The following KAT7 variants were observed in gnomAD, a reference collection of about 807,000 sequenced individuals.
KAT7 encodes the protein histone acetyltransferase KAT7.
In KAT7, 10 loss-of-function variants were observed where a neutral mutation model predicts 82.1. The observed-to-expected ratio is 0.12, with a 90% CI of 0.08 to 0.21. The LOEUF (loss-of-function observed/expected upper bound fraction) is 0.21. Ranked by LOEUF, KAT7 falls within the 10% of genes least tolerant of loss-of-function variation. KAT7 has a pLI of 1.00. For missense variants in KAT7, 378 were observed against 760.9 expected, an observed-to-expected ratio of 0.50 and a Z score of 5.92; for synonymous variants, 250 against 262.5, an observed-to-expected ratio of 0.95 and a Z score of 0.46.
chr17:49,799,467 G>A (rs962624663), intron 4 of KAT7, among the ~76,000 whole-genome samples: 2 of 150,866 alleles, frequency 1.3e-5, no homozygotes, highest in Admixed American at 6.6e-5. Flanking sequence ...TGCAACCTCC[G>A]CCTCCCAGGT....
chr17:49,829,825 TG>T lies in KAT7; in HGVS notation c.*2324del, dbSNP rs1217510519. The T allele has an allele frequency of 1.3e-5, 2 of 152,056 alleles. No homozygotes were observed. Among genetic ancestry groups the T allele is most frequent in the African/African-American group, 2.4e-5 (1 of 41,388 alleles). The allele number at this position is 152,056 out of a possible 1,614,324, so 9.4% of individuals were successfully genotyped here. A position where few individuals can be genotyped will look rare whatever the true frequency, so the allele number is the denominator to read the frequency against. The stretch of plus-strand genomic sequence containing the variant: ...ATTATCTCATTTAAACCCCCACAGG[TG>T]TGGAAACAGAGTTTCACTTGCCTTG... On this transcript the variant is annotated 3_prime_UTR_variant, in exon 15 of 15. Transcript: ENST00000259021.
chr17:49,826,538 A>G (rs114822288), intron 13 of KAT7, among the ~76,000 whole-genome samples, 155 bp from the exon 14 acceptor site: 105 of 152,292 alleles, frequency 6.9e-4, no homozygotes, highest in African/African-American at 2.4e-3. Flanking sequence ...GGACTGGTCA[A>G]ATGAATACTT....
chr17:49,816,705 T>G (rs1241981856), intron 8 of KAT7, among the ~76,000 whole-genome samples: 1 of 152,206 alleles, frequency 6.6e-6, no homozygotes, highest in Non-Finnish European at 1.5e-5. Flanking sequence ...TATCCTATTC[T>G]GGCATGGAGC....
In KAT7 at chr17:49,827,574, C is replaced by G. The variant is rs1262077111; in HGVS notation, c.*72C>G. ...TACCCTAGGGATCTGTCTGTCATTT[C>G]TCTGTTGCTCTTGTGATTGGCAAGT... is the stretch of plus-strand genomic sequence containing the variant. On this transcript the variant is annotated 3_prime_UTR_variant, in exon 15 of 15. Coordinates refer to ENST00000259021, the MANE Select transcript of KAT7 (RefSeq NM_007067.5). The G allele has an allele frequency of 3.8e-5, 34 of 895,920 alleles. No individual in the cohort carries two copies. The South Asian group carries it at 4.4e-4, about 12-fold the overall frequency. The allele number at this position is 895,920 out of a possible 1,614,324, so 55.5% of individuals were successfully genotyped here. A position where few individuals can be genotyped will look rare whatever the true frequency, so the allele number is the denominator to read the frequency against.
intron 4 of KAT7, among the ~76,000 whole-genome samples, chr17:49,802,867 G>A (rs1170761343): frequency 4.6e-5 from 7 of 151,876 alleles, no homozygotes; most frequent in African/African-American, 1.7e-4. Flanking sequence ...CCAGGACTAC[G>A]GGCATGGACT....
chr17:49,821,316 G>A, intron 9 of KAT7, 21 bp from the exon 10 acceptor site: 2 of 1,591,798 alleles, frequency 1.3e-6, no homozygotes, highest in East Asian at 2.2e-5. Context: ...GTTCCCTGAT[G>A]TGAATTTCAT....
chr17:49,802,248 C>A (rs2074033922), intron 4 of KAT7, among the ~76,000 whole-genome samples: 1 of 152,144 alleles, frequency 6.6e-6, no homozygotes, highest in Non-Finnish European at 1.5e-5. Flanking sequence ...TCTAGCAAAT[C>A]TGTAGGATAA....
At position 49,798,420 on chromosome 17, in the gene KAT7, T is replaced by C; in HGVS notation, c.442T>C (p.Ser148Pro). The C allele has an allele frequency of 6.2e-7, 1 of 1,614,190 alleles. No individual in the cohort carries two copies. The highest frequency in any genetic ancestry group is 8.5e-7 in the Non-Finnish European group (1 of 1,180,034). The change falls in exon 4 of 15, where the codon TCT (serine) becomes CCT (proline). Residue 148 changes from serine to proline, a missense_variant. This residue lies in a region of KAT7 where 161 missense variants were observed against 229.6 expected (regional missense o/e 0.70). Coordinates refer to ENST00000259021, the MANE Select transcript of KAT7 (RefSeq NM_007067.5). ...CATAGACATCTCCAGCCCCAATGTA[T>C]CTCACGATGAGAGCATTGCCAAGGA... ...SDIDISSPNV[S>P]HDESIAKDMS...
In KAT7 at chr17:49,792,004, C is replaced by T. The variant is rs1288797913; in HGVS notation, c.134C>T (p.Ser45Phe). ...CGACGATCTGCTCGAGTCACCCGCT[C>T]CTCAGCCAGGCTAAGCCAGAGTTCT... Reference protein sequence around the residue: ...TSRRSARVTRSSARLSQSSQD... With the variant: ...TSRRSARVTRFSARLSQSSQD... The change falls in exon 2 of 15, where the codon TCC (serine) becomes TTC (phenylalanine). Residue 45 changes from serine (S) to phenylalanine (F), a missense_variant. By Grantham distance (155) the Ser-to-Phe change is radical (BLOSUM62 -2). Transcript: ENST00000259021. 6.2e-7 allele frequency: 1 copy of T among 1,614,138 alleles called. No homozygotes were observed. Among genetic ancestry groups the T allele is most frequent in the South Asian group, 1.1e-5 (1 of 91,078 alleles).
intron 2 of KAT7, among the ~76,000 whole-genome samples, chr17:49,793,757 G>C (rs2073918880): frequency 6.6e-6 from 1 of 151,980 alleles, no homozygotes; most frequent in Non-Finnish European, 1.5e-5. Flanking sequence ...ATTTTTAGTA[G>C]AGATGGGGTT....
chr17:49,827,728 T>C lies in KAT7; in HGVS notation c.*226T>C, dbSNP rs2074385022. On this transcript the variant is annotated 3_prime_UTR_variant, in exon 15 of 15. Coordinates refer to ENST00000259021, the MANE Select transcript of KAT7 (RefSeq NM_007067.5). The stretch of plus-strand genomic sequence containing the variant: ...GAGGTTGCCTGGATGGGATCTGTAT[T>C]AGACTTGAGTGCAGGTCTCTCAGCA... 7.1e-6 allele frequency: 4 copies of C among 566,154 alleles called. No homozygotes were observed. The highest frequency in any genetic ancestry group is 1.3e-5 in the Non-Finnish European group (4 of 316,972). The allele number at this position is 566,154 out of a possible 1,614,324, so 35.1% of individuals were successfully genotyped here.
rs1468720002 is a variant in KAT7, at chr17:49,832,607, T to A, written c.*5105T>A. The A allele has an allele frequency of 6.6e-6, 1 of 152,108 alleles. No individual in the cohort carries two copies. The highest frequency in any genetic ancestry group is 1.9e-4 in the East Asian group (1 of 5,186). The allele number at this position is 152,108 out of a possible 1,614,324, so 9.4% of individuals were successfully genotyped here. ...GCCCCAGTGAGACAGCAGGAATCCTTTTACCATACAACCCTCAACTAGTTT... is the reference window on the plus strand; with the variant it reads ...GCCCCAGTGAGACAGCAGGAATCCTATTACCATACAACCCTCAACTAGTTT... On this transcript the variant is annotated 3_prime_UTR_variant, in exon 15 of 15. Coordinates refer to ENST00000259021, the MANE Select transcript of KAT7 (RefSeq NM_007067.5).
Position 49,833,455 on chromosome 17 carries a change from G to A in KAT7, c.*5953G>A, listed in dbSNP as rs1344825741. 3 of 152,170 alleles carry A rather than the reference G, an allele frequency of 2.0e-5. No individual in the cohort carries two copies. The highest frequency in any genetic ancestry group is 4.8e-5 in the African/African-American group (2 of 41,442). The allele number at this position is 152,170 out of a possible 1,614,324, so 9.4% of individuals were successfully genotyped here. A position where few individuals can be genotyped will look rare whatever the true frequency, so the allele number is the denominator to read the frequency against. On this transcript the variant is annotated 3_prime_UTR_variant, in exon 15 of 15. Coordinates refer to ENST00000259021, the MANE Select transcript of KAT7 (RefSeq NM_007067.5). ...ACAGTTGCTCTCATCCTCTGTGCACGTGCTATTTCCAATAAGGTCTATTTT... is the reference window on the plus strand; with the variant it reads ...ACAGTTGCTCTCATCCTCTGTGCACATGCTATTTCCAATAAGGTCTATTTT...
intron 2 of KAT7, among the ~76,000 whole-genome samples, chr17:49,794,739 A>G (rs973391036): frequency 1.3e-5 from 2 of 152,366 alleles, no homozygotes; most frequent in Middle Eastern, 3.4e-3. Context: ...TGAAAACTAA[A>G]TATTCAAAAC....
chr17:49,812,361 A>T (rs1460530280), intron 7 of KAT7, among the ~76,000 whole-genome samples: 3 of 149,150 alleles, frequency 2.0e-5, no homozygotes, highest in Non-Finnish European at 4.4e-5. Flanking sequence ...AGTAGCTAGG[A>T]TTACAGACAT....
chr17:49,827,727 T>G lies in KAT7; in HGVS notation c.*225T>G. The G allele has an allele frequency of 1.8e-6, 1 of 568,960 alleles. No individual in the cohort carries two copies. Among genetic ancestry groups the G allele is most frequent in the South Asian group, 2.2e-5 (1 of 44,554 alleles). The allele number at this position is 568,960 out of a possible 1,614,324, so 35.2% of individuals were successfully genotyped here. A position where few individuals can be genotyped will look rare whatever the true frequency, so the allele number is the denominator to read the frequency against. On this transcript the variant is annotated 3_prime_UTR_variant, in exon 15 of 15. Transcript: ENST00000259021. ...TGAGGTTGCCTGGATGGGATCTGTA[T>G]TAGACTTGAGTGCAGGTCTCTCAGC...
chr17:49,797,140 T>C (rs956364185), intron 3 of KAT7, among the ~76,000 whole-genome samples: 10 of 151,822 alleles, frequency 6.6e-5, no homozygotes, highest in African/African-American at 2.4e-4. Flanking sequence ...CTTGGCTCAC[T>C]GCAAGCTCTG....
At chr17:49,797,741 C>A (rs965673547) in intron 3 of KAT7, among the ~76,000 whole-genome samples, 2 of 152,212 alleles carry the variant, frequency 1.3e-5, no homozygotes, top group Admixed American at 1.3e-4. Context: ...CGGCCAATCA[C>A]CCATAGTAAT....
At chr17:49,797,042 G>T in intron 3 of KAT7, 116 bp downstream of exon 3, 2 of 733,374 alleles carry the variant, frequency 2.7e-6, no homozygotes, top group Non-Finnish European at 4.5e-6. Context: ...GATGAATGCT[G>T]TTTGCTTGCT....
Sources: allele counts gnomAD v4.1 joint callset (sites outside exome capture counted in the v4.1 genomes callset), GRCh38; gene constraint gnomAD v4.1.1; regional missense constraint gnomAD v4.1.1; transcripts MANE v1.5; gene names NCBI Gene and HGNC (gene_info 2026-07-23, HGNC 2026-07-21).